The following DPYD variants were observed in gnomAD, a reference collection of about 807,000 sequenced individuals.
The protein encoded by DPYD is dihydropyrimidine dehydrogenase [NADP(+)].
Under a neutral mutation model 116.2 loss-of-function variants are expected in DPYD, and 109 were observed. The observed-to-expected ratio is 0.94, with a 90% CI of 0.80 to 1.10. The LOEUF is 1.10. Ranked by LOEUF, DPYD falls within the 50% of genes least tolerant of loss-of-function variation. DPYD has a pLI of 0.00. For missense variants in DPYD, 1,302 were observed against 1,254.5 expected (o/e 1.04, Z -0.57); for synonymous variants, 440 against 432.0 (o/e 1.02, Z -0.23).
At chr1:97,368,182 G>A (rs769333949) in intron 16 of DPYD, among the ~76,000 whole-genome samples, 7 of 152,008 alleles carry the variant, frequency 4.6e-5, no homozygotes, top group African/African-American at 1.2e-4. Flanking sequence ...ACTTTGATAC[G>A]CCAAAATAAC....
At chr1:97,337,935 C>T (rs1200134866) in intron 16 of DPYD, among the ~76,000 whole-genome samples, 33 of 152,134 alleles carry the variant, frequency 2.2e-4, no homozygotes, top group Admixed American at 2.2e-3. Flanking sequence ...AAGTGAGTTG[C>T]CACTAAATCT....
At chr1:97,387,909 T>C (rs1464600580) in intron 14 of DPYD, among the ~76,000 whole-genome samples, 4 of 152,056 alleles carry the variant, frequency 2.6e-5, no homozygotes, top group African/African-American at 9.7e-5. Context: ...GTTGGTGTAA[T>C]GGGAGGCCGC....
At position 97,598,662 on chromosome 1, in the gene DPYD, G is replaced by C. The variant is rs532881531; in HGVS notation, c.851-3496C>G. ...AACGAAGGAAGGAAGGAAGGATCCT[G>C]CTTATGTTACAGAAAATTTAAATTA... On this transcript the variant is annotated intron_variant, in intron 8 of 22. Coordinates refer to ENST00000370192, the MANE Select transcript of DPYD (RefSeq NM_000110.4). 2.0e-4 allele frequency among the ~76,000 whole-genome samples: 30 copies of C among 152,188 alleles called. 1 individual carries two copies. Among genetic ancestry groups the C allele is most frequent in the Middle Eastern group, 3.4e-3 (1 of 294 alleles).
intron 5 of DPYD, among the ~76,000 whole-genome samples, chr1:97,701,194 A>G (rs930777648): frequency 6.8e-6 from 1 of 147,928 alleles, no homozygotes; most frequent in Non-Finnish European, 1.5e-5. Context: ...GTACATATAT[A>G]TATTATATAT....
chr1:97,157,095 C>T (rs1321753669), intron 20 of DPYD, among the ~76,000 whole-genome samples: 3 of 125,416 alleles, frequency 2.4e-5, no homozygotes, highest in African/African-American at 6.3e-5. Context: ...GGAAGGGGAA[C>T]ATCACACTCT....
chr1:97,445,725 ATTTTTT>A (rs35500519), intron 14 of DPYD, among the ~76,000 whole-genome samples: 1 of 138,426 alleles, frequency 7.2e-6, no homozygotes, highest in Non-Finnish European at 1.5e-5. Context: ...AAATTGTCTG[ATTTTTT>A]TTTTTTTTTT....
chr1:97,573,738 A>G (rs1557808734), intron 11 of DPYD, 22 bp downstream of exon 11: 3 of 1,613,166 alleles, frequency 1.9e-6, no homozygotes, highest in Admixed American at 1.7e-5. Flanking sequence ...TGCATCACAC[A>G]TTTCAGCTCC....
chr1:97,267,072 A>G (rs1438829067), intron 18 of DPYD, among the ~76,000 whole-genome samples: 3 of 152,152 alleles, frequency 2.0e-5, no homozygotes, highest in African/African-American at 7.2e-5. Flanking sequence ...GTCAAATGGT[A>G]TTTCTAGTTC....
At chr1:97,525,883 T>C (rs1649030244) in intron 12 of DPYD, among the ~76,000 whole-genome samples, 1 of 68,088 alleles carries the variant, frequency 1.5e-5, no homozygotes. Flanking sequence ...TGTGTGTGTG[T>C]GTGCGCGCGC....
chr1:97,576,530 T>A (rs1233539062), intron 10 of DPYD, among the ~76,000 whole-genome samples: 1 of 152,186 alleles, frequency 6.6e-6, no homozygotes, highest in East Asian at 1.9e-4. Flanking sequence ...AAACAAAAAA[T>A]TGGACATGAC....
chr1:97,135,555 T>G (rs908268207), intron 20 of DPYD, among the ~76,000 whole-genome samples: 1 of 152,214 alleles, frequency 6.6e-6, no homozygotes, highest in Non-Finnish European at 1.5e-5. Flanking sequence ...TTTATTACCT[T>G]TAATGTTTTA....
chr1:97,690,178 G>T (rs1241495433), intron 7 of DPYD, among the ~76,000 whole-genome samples: 1 of 151,888 alleles, frequency 6.6e-6, no homozygotes, highest in East Asian at 1.9e-4. Context: ...TTTTATTTGA[G>T]CAGATTTTGA....
At chr1:97,602,123 A>G (rs558728423) in intron 8 of DPYD, among the ~76,000 whole-genome samples, 1 of 152,096 alleles carries the variant, frequency 6.6e-6, no homozygotes, top group African/African-American at 2.4e-5. Context: ...TAAGTCCAGA[A>G]CCAAGTGGAT....
intron 8 of DPYD, among the ~76,000 whole-genome samples, chr1:97,609,186 A>G (rs914761799): frequency 3.3e-5 from 5 of 151,906 alleles, no homozygotes; most frequent in South Asian, 4.1e-4. Flanking sequence ...ATTTGTAAAT[A>G]CGTTTATATT....
intron 14 of DPYD, among the ~76,000 whole-genome samples, chr1:97,411,111 A>T (rs546464640): frequency 6.6e-6 from 1 of 152,278 alleles, no homozygotes; most frequent in South Asian, 2.1e-4. Context: ...CAGCTGGATG[A>T]TTCTTTTCCA....
At chr1:97,233,378 C>T (rs773582899) in intron 19 of DPYD, among the ~76,000 whole-genome samples, 1 of 152,092 alleles carries the variant, frequency 6.6e-6, no homozygotes, top group Non-Finnish European at 1.5e-5. Context: ...GGAGGACGGA[C>T]ACCTCATTAC....
intron 9 of DPYD, 101 bp downstream of exon 9, chr1:97,594,958 G>T: frequency 3.4e-6 from 3 of 885,114 alleles, no homozygotes; most frequent in Non-Finnish European, 3.5e-6. Flanking sequence ...AAGGTTGGGT[G>T]TGAGAGCTGA....
chr1:97,820,949 T>C (rs1301702437), intron 3 of DPYD, among the ~76,000 whole-genome samples: 1 of 152,170 alleles, frequency 6.6e-6, no homozygotes, highest in Non-Finnish European at 1.5e-5. Context: ...GAGTATATTC[T>C]ATATGTACCT....
intron 3 of DPYD, among the ~76,000 whole-genome samples, chr1:97,751,283 TATATATATACACACAC>T (rs1378261291): frequency 4.1e-4 from 61 of 149,818 alleles, no homozygotes; most frequent in African/African-American, 1.4e-3. Context: ...TTTCAAAATA[TATATATATACACACAC>T]ATATATATAC....
Sources: gnomAD v4.1 joint callset for allele counts (sites outside exome capture counted in the v4.1 genomes callset) on GRCh38, gnomAD v4.1.1 for gene constraint, MANE v1.5 for transcripts, NCBI Gene and HGNC (gene_info 2026-07-23, HGNC 2026-07-21) for gene names.